BRWD1: variants seen among roughly 807,000 people sequenced by gnomAD.
BRWD1 encodes the protein bromodomain and WD repeat domain containing 1.
Under a neutral mutation model 251.2 loss-of-function variants are expected in BRWD1, and 82 were observed. The ratio of observed to expected loss-of-function variants is 0.33; its 90% CI spans 0.27 to 0.39. The LOEUF (loss-of-function observed/expected upper bound fraction) is 0.39, where lower values mean the gene tolerates loss of function less well. Ranked by LOEUF, BRWD1 falls within the 10% of genes least tolerant of loss-of-function variation. The pLI is 1.00. For missense variants in BRWD1, 2,233 were observed against 2,711.6 expected, an observed-to-expected ratio of 0.82 and a Z score of 3.92; for synonymous variants, 918 against 902.8, an observed-to-expected ratio of 1.02 and a Z score of -0.30.
intron 9 of BRWD1, among the ~76,000 whole-genome samples, chr21:39,279,663 A>G (rs542540490): frequency 0.015 from 1,403 of 90,662 alleles, 14 homozygotes; most frequent in Non-Finnish European, 0.031. Context: ...AAAAGAAAAA[A>G]AAAAAGAAAA....
intron 1 of BRWD1, among the ~76,000 whole-genome samples, chr21:39,319,587 A>G (rs572771705): frequency 6.6e-6 from 1 of 152,328 alleles, no homozygotes; most frequent in South Asian, 2.1e-4. Flanking sequence ...AATAACATTT[A>G]TTGGATATGT....
At chr21:39,221,408 C>T (rs2033172712) in intron 29 of BRWD1, among the ~76,000 whole-genome samples, 1 of 151,854 alleles carries the variant, frequency 6.6e-6, no homozygotes, top group Non-Finnish European at 1.5e-5. Flanking sequence ...ATTTTCCAAA[C>T]ATAAAACTAA....
intron 1 of BRWD1, among the ~76,000 whole-genome samples, chr21:39,319,971 T>C (rs1238253945): frequency 6.6e-6 from 1 of 152,248 alleles, no homozygotes; most frequent in Non-Finnish European, 1.5e-5. Context: ...GCTTCCCTGT[T>C]CACGTCTTTC....
chr21:39,313,409 G>T, intron 1 of BRWD1, 34 bp downstream of exon 1: 1 of 1,454,052 alleles, frequency 6.9e-7, no homozygotes, highest in Non-Finnish European at 9.1e-7. Context: ...AGCCGGGAGC[G>T]CCAGGGCGGG....
chr21:39,266,068 C>T (rs1045247243), intron 15 of BRWD1, among the ~76,000 whole-genome samples: 6 of 152,074 alleles, frequency 3.9e-5, no homozygotes, highest in South Asian at 2.1e-4. Flanking sequence ...AAATGTTACG[C>T]GTTCGGTGTT....
chr21:39,313,525 A>C lies in BRWD1; in HGVS notation c.-34T>G. On this transcript the variant is annotated 5_prime_UTR_variant, in exon 1 of 41. Coordinates refer to ENST00000342449, the MANE Select transcript of BRWD1 (RefSeq NM_033656.4). ...GCGGGGCGGGAGGCGGGAGCGAGCG[A>C]GCGAGCGGAGCGTGTAGGCCGCGCC... is the stretch of plus-strand genomic sequence containing the variant. The C allele has an allele frequency of 7.5e-7, 1 of 1,327,094 alleles. No individual in the cohort carries two copies. The highest frequency in any genetic ancestry group is 3.1e-5 in the East Asian group (1 of 31,780). The allele number at this position is 1,327,094 out of a possible 1,614,324, so 82.2% of individuals were successfully genotyped here.
Position 39,297,444 on chromosome 21 carries a change from C to T in BRWD1, c.349+988G>A, listed in dbSNP as rs1601488147. On this transcript the variant is annotated intron_variant, in intron 5 of 40. Transcript: ENST00000342449. ...GTCTGGCCAGTTCTAAATCACTGCT[C>T]ATCACAAAACAACGACATGGAGCTT... 4.1e-6 allele frequency: 4 copies of T among 974,280 alleles called. No individual in the cohort carries two copies. The South Asian group carries it at 1.4e-4, about 35-fold the overall frequency. 60.4% of individuals were successfully genotyped at this position (974,280 alleles called of 1,614,324 possible).
intron 8 of BRWD1, among the ~76,000 whole-genome samples, chr21:39,285,871 CAAAAAA>C (rs113834787): frequency 3.0e-5 from 3 of 101,472 alleles, no homozygotes; most frequent in East Asian, 3.2e-4. Flanking sequence ...GCCCAGTCAA[CAAAAAA>C]AAAAAAAAAA....
Position 39,313,110 on chromosome 21 carries a change from G to C in BRWD1, c.109-9C>G, listed in dbSNP as rs576894701. 4 of 1,496,394 alleles carry C rather than the reference G, an allele frequency of 2.7e-6. No individual in the cohort carries two copies. The highest frequency in any genetic ancestry group is 3.6e-6 in the Non-Finnish European group (4 of 1,125,032). The allele number at this position is 1,496,394 out of a possible 1,614,324, so 92.7% of individuals were successfully genotyped here. The stretch of plus-strand genomic sequence containing the variant: ...AGCTCCTGCACCAGCACCTGCGGCC[G>C]AGAGACGCGCGGTCAGGGGTGGGGT... On this transcript the variant is annotated splice_polypyrimidine_tract_variant and intron_variant, in intron 2 of 40. Transcript: ENST00000342449.
At position 39,199,513 on chromosome 21, in the gene BRWD1, C is replaced by T; in HGVS notation, c.4903G>A (p.Val1635Met). 1 of 1,614,200 alleles carries T rather than the reference C, an allele frequency of 6.2e-7. No homozygotes were observed. The highest frequency in any genetic ancestry group is 1.3e-5 in the African/African-American group (1 of 75,058). ...ATTAGCTTTATTTTATTGGCAGCCA[C>T]AGCAGCACACTTCCTTAAGACTTTT... is the stretch of plus-strand genomic sequence containing the variant. The part of the protein sequence containing the change: ...NRKVLRKCAA[V>M]AANKIKLMSD... The change falls in exon 40 of 41, where the codon GTG becomes ATG. Residue 1635 changes from valine to methionine, a missense_variant. Val to Met is a conservative substitution (Grantham distance 21). Transcript: ENST00000342449.
intron 17 of BRWD1, 74 bp from the exon 18 acceptor site, chr21:39,258,746 T>A: frequency 2.0e-6 from 2 of 995,106 alleles, no homozygotes; most frequent in Non-Finnish European, 2.8e-6. Flanking sequence ...GGGTACAAAT[T>A]AAAATACATT....
At chr21:39,313,671 C>T (rs1170182801), upstream of BRWD1, 4 of 425,048 alleles carry the variant, frequency 9.4e-6, no homozygotes, top group Non-Finnish European at 1.6e-5. Flanking sequence ...AGTTCCTCCG[C>T]GGGAGACGAA....
chr21:39,253,441 G>C (rs970976546), intron 19 of BRWD1, among the ~76,000 whole-genome samples: 11 of 152,074 alleles, frequency 7.2e-5, no homozygotes, highest in Non-Finnish European at 1.3e-4. Flanking sequence ...AAATGCTTGT[G>C]TTTTAAGAAA....
Position 39,196,007 on chromosome 21 carries a change from A to G in BRWD1, c.*252T>C. ...TTAACATATTTCAAACTCTTGCTAT[A>G]TGTAGTCAAATACTGTCAAAATAGA... On this transcript the variant is annotated 3_prime_UTR_variant, in exon 41 of 41. Coordinates refer to ENST00000342449, the MANE Select transcript of BRWD1 (RefSeq NM_033656.4). The G allele has an allele frequency of 3.4e-6, 4 of 1,181,370 alleles. No individual in the cohort carries two copies. The highest frequency in any genetic ancestry group is 4.2e-6 in the Non-Finnish European group (4 of 955,490). 73.2% of individuals were successfully genotyped at this position (1,181,370 alleles called of 1,614,324 possible).
chr21:39,189,941 G>C lies in BRWD1; in HGVS notation c.*6318C>G. The stretch of plus-strand genomic sequence containing the variant: ...AGTCCTACTGCCTCAGATGAGTCTT[G>C]TTTCAGTCATGGGTTTACAAAGTCA... On this transcript the variant is annotated 3_prime_UTR_variant, in exon 41 of 41. Coordinates refer to ENST00000342449, the MANE Select transcript of BRWD1 (RefSeq NM_033656.4). 5 of 985,342 alleles carry C rather than the reference G, an allele frequency of 5.1e-6. No individual in the cohort carries two copies. The highest frequency in any genetic ancestry group is 6.0e-6 in the Non-Finnish European group (5 of 829,892). 61.0% of individuals were successfully genotyped at this position (985,342 alleles called of 1,614,324 possible). A position where few individuals can be genotyped will look rare whatever the true frequency, so the allele number is the denominator to read the frequency against.
intron 7 of BRWD1, among the ~76,000 whole-genome samples, chr21:39,295,328 A>T (rs1346741434): frequency 4.0e-5 from 6 of 151,338 alleles, no homozygotes; most frequent in Non-Finnish European, 2.9e-5. Context: ...CTGGGACTAC[A>T]GGCGCCCACC....
upstream of BRWD1, among the ~76,000 whole-genome samples, chr21:39,317,776 C>T (rs1053449175): frequency 1.3e-5 from 2 of 152,218 alleles, no homozygotes; most frequent in Non-Finnish European, 2.9e-5. Context: ...CTAGTCTGGG[C>T]GTAGTGGCTC....
intron 10 of BRWD1, 64 bp from the exon 11 acceptor site, chr21:39,277,415 TC>T: frequency 1.0e-6 from 1 of 1,002,866 alleles, no homozygotes; most frequent in Non-Finnish European, 1.4e-6. Context: ...AAATCAAATT[TC>T]CATATTAAAA....
Position 39,296,278 on chromosome 21 carries a change from G to A in BRWD1, c.435C>T (p.Ser145=). Residue 145 remains serine, a synonymous_variant, in exon 6 of 41, where the codon TCC becomes TCT. Coordinates refer to ENST00000342449, the MANE Select transcript of BRWD1 (RefSeq NM_033656.4). ...AACCTTACTTACCAAGATTTGGTGG[G>A]GAACCATAATTCACTGGCATTTCAG... ...RPPEMPVNYG[S]PPNLVEIHRG... is the part of the protein sequence containing the mutation. The A allele has an allele frequency of 1.3e-6, 2 of 1,595,992 alleles. No individual in the cohort carries two copies. The highest frequency in any genetic ancestry group is 1.7e-6 in the Non-Finnish European group (2 of 1,173,314).
Sources: gnomAD v4.1 joint callset for allele counts (sites outside exome capture counted in the v4.1 genomes callset) on GRCh38, gnomAD v4.1.1 for gene constraint, MANE v1.5 for transcripts, NCBI Gene and HGNC (gene_info 2026-07-23, HGNC 2026-07-21) for gene names.